SAP130: variants seen among roughly 807,000 people sequenced by gnomAD.
The protein encoded by SAP130 is Sin3A associated protein 130, also known as histone deacetylase complex subunit SAP130.
In SAP130, 16 loss-of-function variants were observed where a neutral mutation model predicts 103.2. The ratio of observed to expected loss-of-function variants is 0.16; its 90% CI spans 0.10 to 0.24. SAP130 has a LOEUF of 0.24. Ranked by LOEUF, SAP130 falls within the 10% of genes least tolerant of loss-of-function variation. The pLI is 1.00. For missense variants in SAP130, 990 were observed against 1,359.7 expected (o/e 0.73, Z 4.28); for synonymous variants, 477 against 497.0 (o/e 0.96, Z 0.53).
In SAP130 at chr2:128,017,556, A is replaced by G. The variant is rs114162975; in HGVS notation, c.348+124T>C. On this transcript the variant is annotated intron_variant, in intron 3 of 20. Coordinates refer to ENST00000643581, the MANE Select transcript of SAP130 (RefSeq NM_001330301.2). ...TGAGTTACAGAAAGGAGCTGAACTC[A>G]TATGTCATAAAGAAAAAATGAAATG... 1.1e-4 allele frequency: 88 copies of G among 822,672 alleles called. No homozygotes were observed. The African/African-American group carries it at 1.1e-3, about 10-fold the overall frequency. The allele number at this position is 822,672 out of a possible 1,614,324, so 51.0% of individuals were successfully genotyped here.
chr2:128,003,343 T>C (rs1363216469), intron 7 of SAP130, among the ~76,000 whole-genome samples: 1 of 151,494 alleles, frequency 6.6e-6, no homozygotes, highest in Non-Finnish European at 1.5e-5. Flanking sequence ...CCAGTCTCTA[T>C]GAAAAATAAA....
At chr2:127,948,328 GTTTTTTT>G (rs71307269) in intron 18 of SAP130, among the ~76,000 whole-genome samples, 2 of 101,536 alleles carry the variant, frequency 2.0e-5, no homozygotes, top group African/African-American at 7.4e-5. Flanking sequence ...TTTCCTGTGA[GTTTTTTT>G]TTTTTTTTTT....
At chr2:127,963,192 A>T (rs1680381758) in intron 15 of SAP130, among the ~76,000 whole-genome samples, 2 of 152,044 alleles carry the variant, frequency 1.3e-5, no homozygotes, top group African/African-American at 2.4e-5. Context: ...TTCTTGACAA[A>T]AGTAGTTTGT....
chr2:127,953,633 T>G lies in SAP130; in HGVS notation c.2422+1353A>C, dbSNP rs1274114972. ...AGCGACCTTTGGTTCTTTGCTATAT[T>G]TTGAGCACATCACGCATGCTCCTAT... On this transcript the variant is annotated intron_variant, in intron 16 of 20. Transcript: ENST00000643581. The surrounding 1 kb of genome is among the most constrained non-coding windows in gnomAD (Gnocchi z 4.0). Among the ~76,000 whole-genome samples, 1 of 152,200 alleles carries G rather than the reference T, an allele frequency of 6.6e-6. No individual in the cohort carries two copies. The highest frequency in any genetic ancestry group is 1.5e-5 in the Non-Finnish European group (1 of 68,044).
chr2:127,974,001 A>C (rs960366166), intron 15 of SAP130, among the ~76,000 whole-genome samples: 1 of 152,148 alleles, frequency 6.6e-6, no homozygotes, highest in Non-Finnish European at 1.5e-5. Context: ...AGATTGCACC[A>C]CTACACTCCA....
At chr2:127,978,983 T>C (rs934594345) in intron 14 of SAP130, among the ~76,000 whole-genome samples, 10 of 152,236 alleles carry the variant, frequency 6.6e-5, no homozygotes, top group African/African-American at 2.4e-4. Context: ...TCCCAATCTT[T>C]AGTAACTGTG....
At chr2:127,976,005 C>T (rs1053664207) in intron 15 of SAP130, among the ~76,000 whole-genome samples, 9 of 152,096 alleles carry the variant, frequency 5.9e-5, no homozygotes, top group Admixed American at 2.6e-4. Flanking sequence ...CCACCATGCC[C>T]GGCTAATTTT....
chr2:127,999,606 AAAAAG>A (rs1483632520), intron 10 of SAP130, 130 bp downstream of exon 10: 10 of 479,184 alleles, frequency 2.1e-5, no homozygotes, highest in Non-Finnish European at 3.6e-5. Flanking sequence ...TTAAGGAAAG[AAAAAG>A]AAAAGAAAAA....
chr2:127,980,099 G>A lies in SAP130; in HGVS notation c.1959-2010C>T, dbSNP rs371714833. ...TCACCATGTTGGCCAGGCTGGTCTC[G>A]ATCTCCTGACCTCAGATGATCTGCC... is the stretch of plus-strand genomic sequence containing the variant. On this transcript the variant is annotated intron_variant, in intron 14 of 20. Coordinates refer to ENST00000643581, the MANE Select transcript of SAP130 (RefSeq NM_001330301.2). Among the ~76,000 whole-genome samples, 60 of 151,856 alleles carry A rather than the reference G, an allele frequency of 4.0e-4. 1 individual carries two copies. The South Asian group carries it at 6.4e-3, about 16-fold the overall frequency.
intron 7 of SAP130, among the ~76,000 whole-genome samples, chr2:128,008,033 C>A (rs1684095689): frequency 6.6e-6 from 1 of 152,224 alleles, no homozygotes; most frequent in South Asian, 2.1e-4. Context: ...AGAGGCATCT[C>A]CGATTCCTCT....
chr2:127,969,732 C>T (rs1238888423), intron 15 of SAP130, among the ~76,000 whole-genome samples: 1 of 152,198 alleles, frequency 6.6e-6, no homozygotes, highest in African/African-American at 2.4e-5. Context: ...TCCTCGGCGC[C>T]TTCCCGATCT....
At chr2:128,007,388 C>G (rs1684052662) in intron 7 of SAP130, among the ~76,000 whole-genome samples, 1 of 152,192 alleles carries the variant, frequency 6.6e-6, no homozygotes, top group African/African-American at 2.4e-5. Context: ...TACTATGCTA[C>G]TTTATATGAA....
At chr2:128,022,510 ATATT>A (rs1235474774) in intron 2 of SAP130, among the ~76,000 whole-genome samples, 1 of 152,214 alleles carries the variant, frequency 6.6e-6, no homozygotes, top group Non-Finnish European at 1.5e-5. Flanking sequence ...TGGTAAGTGT[ATATT>A]TAATTTTATA....
In SAP130 at chr2:127,996,808, G is replaced by A. The variant is rs952448992; in HGVS notation, c.1214-317C>T. Among the ~76,000 whole-genome samples, 2 of 152,014 alleles carry A rather than the reference G, an allele frequency of 1.3e-5. No individual in the cohort carries two copies. Among genetic ancestry groups the A allele is most frequent in the African/African-American group, 2.4e-5 (1 of 41,394 alleles). ...GGCTCACATCTGTCATCTCAGCACT[G>A]TGGGAGGCTGAGGCGGGAGGATCAC... On this transcript the variant is annotated intron_variant, in intron 10 of 20. Transcript: ENST00000643581. This position sits in a 1 kb window ranked among gnomAD's most constrained non-coding sequence, Gnocchi z 4.3.
chr2:128,011,108 A>G (rs1245796897), intron 6 of SAP130, among the ~76,000 whole-genome samples: 1 of 151,772 alleles, frequency 6.6e-6, no homozygotes, highest in Admixed American at 6.6e-5. Context: ...TGGTGTAGAC[A>G]TTTTACGCTG....
chr2:127,958,635 T>TGAGAGAGAGAGAGAGAGAGA (rs372337440), intron 15 of SAP130, among the ~76,000 whole-genome samples: 1 of 127,638 alleles, frequency 7.8e-6, no homozygotes, highest in African/African-American at 3.2e-5. Context: ...GTGAGACAGA[T>TGAGAGAGAGAGAGAGAGAGA]GAGAGAGAGA....
At chr2:127,945,953 A>G (rs1237034419) in intron 18 of SAP130, among the ~76,000 whole-genome samples, 2 of 152,168 alleles carry the variant, frequency 1.3e-5, no homozygotes, top group Non-Finnish European at 2.9e-5. Context: ...GTACCTGGCC[A>G]TAAGAACTTT....
At chr2:128,018,404 G>C (rs1371966375) in intron 2 of SAP130, among the ~76,000 whole-genome samples, 1 of 142,734 alleles carries the variant, frequency 7.0e-6, no homozygotes. Context: ...AGGATCACCT[G>C]AGCCCAAAAG....
chr2:127,975,293 C>T lies in SAP130; in HGVS notation c.2063+2692G>A, dbSNP rs184657830. Among the ~76,000 whole-genome samples, 366 of 152,162 alleles carry T rather than the reference C, an allele frequency of 2.4e-3. 1 individual carries two copies. Among genetic ancestry groups the T allele is most frequent in the Middle Eastern group, 0.02 (6 of 294 alleles). ...TGGAAGACTGAATGTGAGAATGGGTCAACCAAGATGAAAATGCAACAAAAG... is the reference window on the plus strand; with the variant it reads ...TGGAAGACTGAATGTGAGAATGGGTTAACCAAGATGAAAATGCAACAAAAG... On this transcript the variant is annotated intron_variant, in intron 15 of 20. Coordinates refer to ENST00000643581, the MANE Select transcript of SAP130 (RefSeq NM_001330301.2).
Sources: gnomAD v4.1 joint callset for allele counts (sites outside exome capture counted in the v4.1 genomes callset) on GRCh38, gnomAD v4.1.1 for gene constraint, Gnocchi (gnomAD v3.1) non-coding constraint, MANE v1.5 for transcripts, NCBI Gene and HGNC (gene_info 2026-07-23, HGNC 2026-07-21) for gene names.